Variants in TMTC1 observed in about 807,000 individuals in gnomAD.
The protein encoded by TMTC1 is protein O-mannosyl-transferase TMTC1.
TMTC1 carries 73 observed loss-of-function variants against 104.8 expected under a neutral mutation model. The observed-to-expected ratio is 0.70, with a 90% CI of 0.58 to 0.85. The LOEUF is 0.85. Among genes scored for constraint, TMTC1 ranks in the 40% least tolerant of loss-of-function variants. TMTC1 has a pLI of 0.00. For missense variants in TMTC1, 1,035 were observed against 1,096.1 expected (o/e 0.94, Z 0.79); for synonymous variants, 434 against 428.7 (o/e 1.01, Z -0.15).
Position 29,517,531 on chromosome 12 carries a change from A to G in TMTC1, c.2065T>C (p.Leu689=). The G allele has an allele frequency of 6.2e-7, 1 of 1,614,094 alleles. No individual in the cohort carries two copies. The highest frequency in any genetic ancestry group is 2.2e-5 in the East Asian group (1 of 44,874). ...VAHKAEILSP[L]GALYYNTGRY... The stretch of plus-strand genomic sequence containing the variant: ...CCAGTGTTGTAATACAGTGCTCCCA[A>G]AGGTGACAATATCTCAGCTTTGTGT... Residue 689 remains leucine (L), a synonymous_variant, in exon 14 of 18, where the codon TTG becomes CTG. Coordinates refer to ENST00000539277, the MANE Select transcript of TMTC1 (RefSeq NM_001193451.2).
At chr12:29,599,716 T>C (rs1946502471) in intron 7 of TMTC1, among the ~76,000 whole-genome samples, 1 of 152,160 alleles carries the variant, frequency 6.6e-6, no homozygotes, top group East Asian at 1.9e-4. Flanking sequence ...GGCTTCATAA[T>C]AGCTTGAAAC....
chr12:29,517,354 C>T (rs1475578530), intron 14 of TMTC1, 73 bp downstream of exon 14: 20 of 1,539,788 alleles, frequency 1.3e-5, no homozygotes, highest in Middle Eastern at 2.1e-4. Context: ...AGTTTTGAGG[C>T]GTGAGGACTA....
intron 11 of TMTC1, among the ~76,000 whole-genome samples, chr12:29,523,944 T>C (rs1944262046): frequency 6.6e-6 from 1 of 152,162 alleles, no homozygotes; most frequent in South Asian, 2.1e-4. Context: ...CCTAATTTTG[T>C]TTAACAGTTT....
intron 3 of TMTC1, 142 bp downstream of exon 3, chr12:29,758,562 A>G: frequency 1.2e-6 from 1 of 830,434 alleles, no homozygotes; most frequent in Non-Finnish European, 2.0e-6. Context: ...CTGGACAAGC[A>G]GAGAGTTTCC....
chr12:29,600,645 C>T (rs935199117), intron 7 of TMTC1, among the ~76,000 whole-genome samples: 17 of 152,156 alleles, frequency 1.1e-4, no homozygotes, highest in African/African-American at 3.9e-4. Context: ...TCCCGAAATC[C>T]AAGTTAAACT....
intron 5 of TMTC1, among the ~76,000 whole-genome samples, chr12:29,703,552 A>G (rs1941660954): frequency 1.3e-5 from 2 of 152,200 alleles, no homozygotes; most frequent in African/African-American, 4.8e-5. Flanking sequence ...TTTTTCCAAG[A>G]TACCATTTGC....
chr12:29,727,251 A>G (rs1942417873), intron 5 of TMTC1, among the ~76,000 whole-genome samples: 1 of 152,248 alleles, frequency 6.6e-6, no homozygotes, highest in East Asian at 1.9e-4. Flanking sequence ...ATAGAGTCAA[A>G]GATTTTGCAT....
chr12:29,745,618 CAAAAAA>C (rs71444341), intron 5 of TMTC1, among the ~76,000 whole-genome samples: 5 of 84,572 alleles, frequency 5.9e-5, no homozygotes, highest in Non-Finnish European at 8.9e-5. Flanking sequence ...GAGACTCAAT[CAAAAAA>C]AAAAAAAAAA....
At position 29,512,090 on chromosome 12, in the gene TMTC1, C is replaced by G; in HGVS notation, c.2461G>C (p.Asp821His). 6.2e-7 allele frequency: 1 copy of G among 1,613,980 alleles called. No homozygotes were observed. Among genetic ancestry groups the G allele is most frequent in the Non-Finnish European group, 8.5e-7 (1 of 1,179,954 alleles). The change falls in exon 17 of 18, where the codon GAC (aspartate) becomes CAC (histidine). Residue 821 changes from aspartate (D) to histidine (H), a missense_variant. Transcript: ENST00000539277. ...SYRVAVQLNP[D>H]QAQAWMNMGG... ...ATGTTCATCCAGGCCTGTGCTTGGT[C>G]TGGGTTTAGTTGCACAGCCACTCTA...
At chr12:29,580,222 G>A (rs35536095) in intron 8 of TMTC1, among the ~76,000 whole-genome samples, 28,644 of 152,080 alleles carry the variant, frequency 0.19, 3,166 homozygotes, top group East Asian at 0.38. Flanking sequence ...GGTAGGCTGA[G>A]GTGAGAAGAT....
chr12:29,553,486 G>A (rs1945158958), intron 10 of TMTC1, among the ~76,000 whole-genome samples: 1 of 152,074 alleles, frequency 6.6e-6, no homozygotes. Context: ...AGGTAAACAA[G>A]GATAACTTGT....
intron 5 of TMTC1, among the ~76,000 whole-genome samples, chr12:29,693,809 C>T (rs1221980182): frequency 6.6e-6 from 1 of 152,096 alleles, no homozygotes; most frequent in Non-Finnish European, 1.5e-5. Flanking sequence ...AAAAGTCTGA[C>T]AGCCAGGGTT....
chr12:29,647,400 T>C (rs1420834309), intron 5 of TMTC1, among the ~76,000 whole-genome samples: 2 of 152,196 alleles, frequency 1.3e-5, no homozygotes, highest in African/African-American at 4.8e-5. Context: ...GAGCAGTTCA[T>C]TTTGCACAGC....
chr12:29,745,731 C>A (rs1197782287), intron 5 of TMTC1, among the ~76,000 whole-genome samples: 1 of 151,374 alleles, frequency 6.6e-6, no homozygotes, highest in Non-Finnish European at 1.5e-5. Flanking sequence ...AACGACAGGA[C>A]CCTGAGTATA....
chr12:29,728,745 T>A (rs1023478677), intron 5 of TMTC1, among the ~76,000 whole-genome samples: 4 of 151,456 alleles, frequency 2.6e-5, no homozygotes, highest in Admixed American at 6.6e-5. Context: ...ACGCCTGTAA[T>A]CTCAGCACTT....
At chr12:29,511,325 GCA>G (rs1203474830) in intron 17 of TMTC1, among the ~76,000 whole-genome samples, 1 of 151,758 alleles carries the variant, frequency 6.6e-6, no homozygotes, top group African/African-American at 2.4e-5. Flanking sequence ...CCTCCTACTA[GCA>G]CCATAAGAAC....
At chr12:29,569,444 T>C (rs1945607449) in intron 9 of TMTC1, among the ~76,000 whole-genome samples, 1 of 152,164 alleles carries the variant, frequency 6.6e-6, no homozygotes, top group Non-Finnish European at 1.5e-5. Flanking sequence ...TGCATTTCCC[T>C]AATCACTCTC....
chr12:29,669,021 A>G (rs530123802), intron 5 of TMTC1, among the ~76,000 whole-genome samples: 4 of 152,204 alleles, frequency 2.6e-5, no homozygotes, highest in Non-Finnish European at 4.4e-5. Flanking sequence ...CAGAGCTGGG[A>G]GGGCGTCACT....
intron 3 of TMTC1, among the ~76,000 whole-genome samples, chr12:29,756,977 C>T (rs1482408931): frequency 6.6e-6 from 1 of 152,128 alleles, no homozygotes; most frequent in African/African-American, 2.4e-5. Flanking sequence ...AATATATTAA[C>T]CACAAAGAAC....
Sources: gnomAD v4.1 joint callset for allele counts (sites outside exome capture counted in the v4.1 genomes callset) on GRCh38, gnomAD v4.1.1 for gene constraint, MANE v1.5 for transcripts, NCBI Gene and HGNC (gene_info 2026-07-23, HGNC 2026-07-21) for gene names.